C12orf42: variants seen among roughly 807,000 people sequenced by gnomAD.
C12orf42 encodes chromosome 12 open reading frame 42, also known as uncharacterized protein C12orf42.
Under a neutral mutation model 21.6 loss-of-function variants are expected in C12orf42, and 25 were observed. The observed-to-expected ratio is 1.16, with a 90% CI of 0.84 to 1.62. C12orf42 has a LOEUF of 1.62. C12orf42 is among the 40% of genes most tolerant of loss of function. C12orf42 has a pLI of 0.00. For synonymous variants in C12orf42, 174 were observed against 175.0 expected, an observed-to-expected ratio of 0.99 and a Z score of 0.05; for missense variants, 483 against 459.3, an observed-to-expected ratio of 1.05 and a Z score of -0.47.
the C12orf42 span, among the ~76,000 whole-genome samples, chr12:103,071,841 A>T: frequency 6.6e-6 from 1 of 152,088 alleles, no homozygotes; most frequent in African/African-American, 2.4e-5. Context: ...ACAGACATCA[A>T]CCTGTGGTTT....
chr12:103,119,197 G>A, the C12orf42 span, among the ~76,000 whole-genome samples: 2 of 152,166 alleles, frequency 1.3e-5, no homozygotes, highest in Non-Finnish European at 2.9e-5. Flanking sequence ...TTTACTAGCT[G>A]TGTAATCTTG....
At chr12:103,311,519 C>A (rs1013629934) in intron 4 of C12orf42, among the ~76,000 whole-genome samples, 2 of 152,218 alleles carry the variant, frequency 1.3e-5, no homozygotes, top group South Asian at 4.1e-4. Flanking sequence ...GTGGCTACAG[C>A]AACCAGTTGT....
At chr12:103,078,577 T>C in the C12orf42 span, among the ~76,000 whole-genome samples, 3 of 152,234 alleles carry the variant, frequency 2.0e-5, no homozygotes, top group East Asian at 3.8e-4. Context: ...AACTGTATGA[T>C]GGCTGAATGG....
chr12:103,385,191 CTA>C (rs779488398), intron 3 of C12orf42, among the ~76,000 whole-genome samples: 2 of 152,108 alleles, frequency 1.3e-5, no homozygotes, highest in South Asian at 4.1e-4. Context: ...GTATAGACTA[CTA>C]AGTTAAGAAA....
At chr12:103,092,436 T>C in the C12orf42 span, among the ~76,000 whole-genome samples, 1 of 152,214 alleles carries the variant, frequency 6.6e-6, no homozygotes. Context: ...CCAGTCCTTT[T>C]GATGTTACAG....
chr12:103,534,070 T>A, the C12orf42 span, among the ~76,000 whole-genome samples: 1 of 152,242 alleles, frequency 6.6e-6, no homozygotes, highest in Admixed American at 6.5e-5. Context: ...CAAATTAAAT[T>A]CTTCAATTCA....
At chr12:103,154,342 A>G in the C12orf42 span, among the ~76,000 whole-genome samples, 45,203 of 151,966 alleles carry the variant, frequency 0.3, 7,113 homozygotes, top group East Asian at 0.4. Context: ...ATTATACTTT[A>G]ATAAAAAGTA....
intron 2 of C12orf42, among the ~76,000 whole-genome samples, chr12:103,414,809 ACT>A (rs1192546047): frequency 1.3e-5 from 2 of 152,122 alleles, no homozygotes; most frequent in Non-Finnish European, 2.9e-5. Flanking sequence ...GTCGTTCTAG[ACT>A]CAGAATCATA....
At chr12:103,367,906 C>A in intron 4 of C12orf42, 2 of 388,684 alleles carry the variant, frequency 5.1e-6, no homozygotes, top group South Asian at 2.8e-5. Flanking sequence ...TTTCAATGGC[C>A]CTGATATGAA....
At chr12:103,096,169 A>C in the C12orf42 span, among the ~76,000 whole-genome samples, 2 of 152,220 alleles carry the variant, frequency 1.3e-5, no homozygotes, top group Non-Finnish European at 2.9e-5. Context: ...TGCTGCCGTA[A>C]AAAGCAATCA....
chr12:103,172,140 G>A, the C12orf42 span, among the ~76,000 whole-genome samples: 1 of 151,982 alleles, frequency 6.6e-6, no homozygotes, highest in South Asian at 2.1e-4. Context: ...AGGCAGGAGG[G>A]AGGCTCCTCC....
In C12orf42 at chr12:103,306,075, G is replaced by T. The variant is rs951583958; in HGVS notation, c.530C>A (p.Ala177Glu). 2 of 1,613,860 alleles carry T rather than the reference G, an allele frequency of 1.2e-6. No homozygotes were observed. Among genetic ancestry groups the T allele is most frequent in the African/African-American group, 2.7e-5 (2 of 74,924 alleles). The change falls in exon 5 of 6, where the codon GCA becomes GAA. Residue 177 changes from alanine to glutamate, a missense_variant. By Grantham distance (107) the Ala-to-Glu change is moderately radical (BLOSUM62 -1). Transcript: ENST00000548883. ...LEQLVKKPNWAHSVNPVHLEA... is the reference protein window; with the variant it reads ...LEQLVKKPNWEHSVNPVHLEA... ...CAGGTGAACAGGATTTACTGAGTGTGCCCAGTTAGGCTTTTTAACCAGTTG... is the reference window on the plus strand; with the variant it reads ...CAGGTGAACAGGATTTACTGAGTGTTCCCAGTTAGGCTTTTTAACCAGTTG...
At chr12:103,127,200 G>A in the C12orf42 span, among the ~76,000 whole-genome samples, 1 of 152,156 alleles carries the variant, frequency 6.6e-6, no homozygotes, top group Non-Finnish European at 1.5e-5. Flanking sequence ...GCCACTTCTG[G>A]AAGTTTATCA....
intron 1 of C12orf42, among the ~76,000 whole-genome samples, chr12:103,493,396 C>T (rs774890215): frequency 1.1e-4 from 16 of 152,080 alleles, no homozygotes; most frequent in Non-Finnish European, 1.9e-4. Context: ...CCTCTGCTTG[C>T]TTGATGTTCC....
chr12:103,510,802 C>T, the C12orf42 span, among the ~76,000 whole-genome samples: 4 of 152,118 alleles, frequency 2.6e-5, no homozygotes, highest in African/African-American at 4.8e-5. Context: ...TATCTTACCC[C>T]TTCTTTAATG....
the C12orf42 span, among the ~76,000 whole-genome samples, chr12:103,108,243 G>T: frequency 6.6e-6 from 1 of 151,486 alleles, no homozygotes; most frequent in Non-Finnish European, 1.5e-5. Flanking sequence ...AACTTTCCAA[G>T]AACAATTGTC....
chr12:103,439,662 C>G (rs866309245), intron 2 of C12orf42, among the ~76,000 whole-genome samples: 14 of 151,562 alleles, frequency 9.2e-5, no homozygotes, highest in African/African-American at 3.4e-4. Flanking sequence ...AAAAAATGCT[C>G]ATCATCACTG....
chr12:103,251,802 T>G (rs937320790), intron 10 of C12orf42, among the ~76,000 whole-genome samples: 1 of 152,176 alleles, frequency 6.6e-6, no homozygotes, highest in African/African-American at 2.4e-5. Context: ...TGCTACGCAC[T>G]GTATTCACTG....
At chr12:103,302,675 G>GTAAA in intron 5 of C12orf42, 116 bp from the exon 6 acceptor site, 3 of 714,646 alleles carry the variant, frequency 4.2e-6, no homozygotes, top group Non-Finnish European at 4.0e-6. Context: ...TGCTCAGAGG[G>GTAAA]GAAAGAAAAA....
Sources: gnomAD v4.1 joint callset for allele counts (sites outside exome capture counted in the v4.1 genomes callset) on GRCh38, gnomAD v4.1.1 for gene constraint, MANE v1.5 for transcripts, NCBI Gene and HGNC (gene_info 2026-07-23, HGNC 2026-07-21) for gene names.